PRKAB1: variants seen among roughly 807,000 people sequenced by gnomAD.
The protein encoded by PRKAB1 is 5'-AMP-activated protein kinase subunit beta-1.
A neutral mutation model predicts 32.0 loss-of-function variants in PRKAB1; 18 were observed. The ratio of observed to expected loss-of-function variants is 0.56; its 90% confidence interval spans 0.39 to 0.83. The LOEUF is 0.83. Among genes scored for constraint, PRKAB1 ranks in the 40% least tolerant of loss-of-function variants. The probability of loss-of-function intolerance (pLI) is 0.00; values close to 1 mark genes in which losing one functional copy is unlikely to be tolerated. For synonymous variants in PRKAB1, 141 were observed against 141.4 expected (o/e 1.00, Z 0.02); for missense variants, 263 against 352.6 (o/e 0.75, Z 2.03).
In PRKAB1 at chr12:119,674,601, T is replaced by C. The variant is rs1480766397; in HGVS notation, c.532+147T>C. On this transcript the variant is annotated intron_variant, in intron 4 of 6. Transcript: ENST00000229328. The surrounding 1 kb of genome is among the most constrained non-coding windows in gnomAD (Gnocchi z 4.3). ...CCCACTTAAAGGCCACAGAACTTAATTCCTGTCAGGTTGTTGAAATTTAGC... is the reference window on the plus strand; with the variant it reads ...CCCACTTAAAGGCCACAGAACTTAACTCCTGTCAGGTTGTTGAAATTTAGC... 8.7e-6 allele frequency: 5 copies of C among 576,578 alleles called. No homozygotes were observed. In the African/African-American group the frequency reaches 9.5e-5, roughly 11 times the overall value. The allele number at this position is 576,578 out of a possible 1,614,324, so 35.7% of individuals were successfully genotyped here.
chr12:119,672,033 T>A (rs1955392050), intron 1 of PRKAB1, among the ~76,000 whole-genome samples: 1 of 152,212 alleles, frequency 6.6e-6, no homozygotes, highest in Non-Finnish European at 1.5e-5. Context: ...AATTTTGATG[T>A]CAACTTCTTT....
chr12:119,668,817 T>G (rs1955360954), intron 1 of PRKAB1, among the ~76,000 whole-genome samples: 1 of 152,322 alleles, frequency 6.6e-6, no homozygotes, highest in South Asian at 2.1e-4. Context: ...AAAAGTTAGT[T>G]TGGGAATTTA....
intron 5 of PRKAB1, chr12:119,678,821 G>T (rs1255131848): frequency 2.0e-5 from 3 of 152,344 alleles, no homozygotes; most frequent in Middle Eastern, 3.4e-3. Flanking sequence ...GTGAACGTGG[G>T]AGTACAGATA....
chr12:119,675,434 A>C (rs1955416894), intron 4 of PRKAB1, among the ~76,000 whole-genome samples: 1 of 152,210 alleles, frequency 6.6e-6, no homozygotes, highest in African/African-American at 2.4e-5. Flanking sequence ...AGTCTTTTAG[A>C]GATATCATCT....
chr12:119,674,098 A>G lies in PRKAB1; in HGVS notation c.417+41A>G. The G allele has an allele frequency of 6.4e-7, 1 of 1,560,962 alleles. No homozygotes were observed. Among genetic ancestry groups the G allele is most frequent in the Non-Finnish European group, 8.8e-7 (1 of 1,138,922 alleles). ...CCTCTGGTCCTCTGGGTGCCCGCAC[A>G]TTCCAAACAAATCACCTTCCCAAGA... On this transcript the variant is annotated intron_variant, in intron 3 of 6. Transcript: ENST00000229328. The surrounding 1 kb of genome is among the most constrained non-coding windows in gnomAD (Gnocchi z 4.3).
upstream of PRKAB1, chr12:119,668,036 G>T (rs1172301171): frequency 1.8e-6 from 1 of 566,664 alleles, no homozygotes. Context: ...GCCGCGGCTT[G>T]CCTGGGCAGG....
At chr12:119,673,721 T>C (rs758524059) in intron 2 of PRKAB1, 6 of 388,460 alleles carry the variant, frequency 1.5e-5, no homozygotes, top group Non-Finnish European at 2.8e-5. Flanking sequence ...ACATTAGGGA[T>C]GTGGTTTCCT....
At chr12:119,671,575 G>C (rs1955389251) in intron 1 of PRKAB1, 2 of 342,250 alleles carry the variant, frequency 5.8e-6, no homozygotes, top group Non-Finnish European at 1.2e-5. Context: ...CTCACTCACT[G>C]TCAGAGAACA....
chr12:119,673,369 T>G (rs2136853843), intron 2 of PRKAB1, among the ~76,000 whole-genome samples: 1 of 152,304 alleles, frequency 6.6e-6, no homozygotes, highest in East Asian at 1.9e-4. Context: ...CTTGATAAAA[T>G]GAGGGAGAAA....
At chr12:119,667,985 T>C (rs1209658539), upstream of PRKAB1, 3 of 472,702 alleles carry the variant, frequency 6.3e-6, no homozygotes, top group African/African-American at 2.1e-5. Context: ...GGTGAAGCGG[T>C]TGGGAAAGTG....
intron 5 of PRKAB1, chr12:119,678,578 G>A (rs1439706692): frequency 1.3e-5 from 2 of 152,216 alleles, no homozygotes; most frequent in Non-Finnish European, 2.9e-5. Context: ...ACTTCTGTGA[G>A]TTCGACTTTC....
intron 2 of PRKAB1, among the ~76,000 whole-genome samples, chr12:119,672,824 CTAACGTTAGT>C (rs1434640253): frequency 6.6e-6 from 1 of 152,238 alleles, no homozygotes; most frequent in Non-Finnish European, 1.5e-5. Flanking sequence ...TGTCAGTCAC[CTAACGTTAGT>C]TAACCTGAGC....
At position 119,668,750 on chromosome 12, in the gene PRKAB1, T is replaced by A. The variant is rs543742088; in HGVS notation, c.159+347T>A. On this transcript the variant is annotated intron_variant, in intron 1 of 6. Transcript: ENST00000229328. ...GCTTCTGCTTTTCTCTTAGGTGTAA[T>A]TAATTGCACTGCTTTGAGACAAATT... Among the ~76,000 whole-genome samples, 17 of 152,358 alleles carry A rather than the reference T, an allele frequency of 1.1e-4. No homozygotes were observed. The East Asian group carries it at 3.3e-3, about 29-fold the overall frequency.
Position 119,668,474 on chromosome 12 carries a change from C to T in PRKAB1, c.159+71C>T, listed in dbSNP as rs188876473. 1,072 of 1,554,182 alleles carry T rather than the reference C, an allele frequency of 6.9e-4. 7 individuals are homozygous for T. The African/African-American group carries it at 0.013, about 18-fold the overall frequency. ...GGAGAGGAACCCTCCACTAGATTCC[C>T]GTCACATCCTTTCGAAAAACACCAG... On this transcript the variant is annotated intron_variant, in intron 1 of 6. Transcript: ENST00000229328.
intron 5 of PRKAB1, among the ~76,000 whole-genome samples, chr12:119,676,928 C>T (rs1026729312): frequency 6.6e-6 from 1 of 152,224 alleles, no homozygotes; most frequent in Non-Finnish European, 1.5e-5. Context: ...AAGCCCTGTT[C>T]AATTTACATT....
chr12:119,680,492 C>A lies in PRKAB1; in HGVS notation c.*167C>A, dbSNP rs772537341. The A allele has an allele frequency of 7.5e-5, 52 of 690,772 alleles. No homozygotes were observed. The highest frequency in any genetic ancestry group is 1.1e-4 in the Non-Finnish European group (46 of 407,594). 42.8% of individuals were successfully genotyped at this position (690,772 alleles called of 1,614,324 possible). ...GAAGGTTTGTCCAGGCAGAGCAGCT[C>A]CTGCAGCGCCTCGGTCTGTGACAGT... On this transcript the variant is annotated 3_prime_UTR_variant, in exon 7 of 7. Coordinates refer to ENST00000229328, the MANE Select transcript of PRKAB1 (RefSeq NM_006253.5).
chr12:119,677,037 A>G (rs936681397), intron 5 of PRKAB1, among the ~76,000 whole-genome samples: 2 of 152,250 alleles, frequency 1.3e-5, no homozygotes, highest in East Asian at 1.9e-4. Context: ...TTTTAGAAAT[A>G]TCAGTACTCC....
At chr12:119,680,174 C>T (rs915925521) in intron 6 of PRKAB1, 74 bp from the exon 7 acceptor site, 1 of 1,530,544 alleles carries the variant, frequency 6.5e-7, no homozygotes, top group African/African-American at 1.4e-5. Flanking sequence ...TTATGAAGCC[C>T]TTAATGATTC....
At position 119,674,638 on chromosome 12, in the gene PRKAB1, T is replaced by C. The variant is rs1284920910; in HGVS notation, c.532+184T>C. Among the ~76,000 whole-genome samples the C allele has an allele frequency of 6.6e-6, 1 of 152,200 alleles. No individual in the cohort carries two copies. Among genetic ancestry groups the C allele is most frequent in the African/African-American group, 2.4e-5 (1 of 41,444 alleles). ...TGTTGAAATTTAGCCCTAAGGGAGC[T>C]ACAAGTCATTTCCCTGGTCATCTCA... is the stretch of plus-strand genomic sequence containing the variant. On this transcript the variant is annotated intron_variant, in intron 4 of 6. Coordinates refer to ENST00000229328, the MANE Select transcript of PRKAB1 (RefSeq NM_006253.5). This position sits in a 1 kb window ranked among gnomAD's most constrained non-coding sequence, Gnocchi z 4.3.
Sources: gnomAD v4.1 joint callset for allele counts (sites outside exome capture counted in the v4.1 genomes callset) on GRCh38, gnomAD v4.1.1 for gene constraint, Gnocchi (gnomAD v3.1) non-coding constraint, MANE v1.5 for transcripts, NCBI Gene and HGNC (gene_info 2026-07-23, HGNC 2026-07-21) for gene names.